CCAR1: variants seen among roughly 807,000 people sequenced by gnomAD.
CCAR1 encodes the protein cell division cycle and apoptosis regulator protein 1.
Under a neutral mutation model 163.8 loss-of-function variants are expected in CCAR1, and 78 were observed. The observed-to-expected ratio is 0.48, with a 90% CI of 0.40 to 0.57. CCAR1 has a LOEUF of 0.57. CCAR1 is among the 20% of genes least tolerant of loss of function. The pLI, the probability that CCAR1 is intolerant of heterozygous loss-of-function variation, is 0.00. For synonymous variants in CCAR1, 443 were observed against 460.7 expected, an observed-to-expected ratio of 0.96 and a Z score of 0.49; for missense variants, 1,019 against 1,365.2, an observed-to-expected ratio of 0.75 and a Z score of 4.00.
chr10:68,778,171 G>C (rs774759594), intron 19 of CCAR1, among the ~76,000 whole-genome samples: 3 of 152,156 alleles, frequency 2.0e-5, no homozygotes, highest in African/African-American at 4.8e-5. Context: ...AGCCGAGATT[G>C]TGCCACTACG....
chr10:68,725,346 C>T (rs1288808513), intron 2 of CCAR1, among the ~76,000 whole-genome samples: 1 of 151,598 alleles, frequency 6.6e-6, no homozygotes, highest in Non-Finnish European at 1.5e-5. Context: ...TGCAGTGAGC[C>T]GAGATGGCAC....
Position 68,742,360 on chromosome 10 carries a change from T to C in CCAR1, c.325-16T>C. ...TCAAATCATTACCTTAATTTGATGT[T>C]GATTTTGTTTTATAGCCAGCTGTTG... is the stretch of plus-strand genomic sequence containing the variant. On this transcript the variant is annotated splice_polypyrimidine_tract_variant and intron_variant, in intron 5 of 24. Transcript: ENST00000265872. The C allele has an allele frequency of 6.4e-7, 1 of 1,566,066 alleles. No individual in the cohort carries two copies. The highest frequency in any genetic ancestry group is 8.7e-7 in the Non-Finnish European group (1 of 1,153,440).
chr10:68,761,030 A>G lies in CCAR1; in HGVS notation c.1944A>G (p.Leu648=), dbSNP rs747905736. Residue 648 remains leucine, a synonymous_variant, in exon 16 of 25, where the codon TTA becomes TTG. Transcript: ENST00000265872. ...AGGTAAATGACCTCCGAAAAGAATT[A>G]GAAAGTCGAGCTCTTAGTTCCAAAG... ...TMKVNDLRKE[L]ESRALSSKGL... The G allele has an allele frequency of 1.3e-6, 2 of 1,526,944 alleles. No individual in the cohort carries two copies. Among genetic ancestry groups the G allele is most frequent in the African/African-American group, 1.5e-5 (1 of 68,728 alleles). The allele number at this position is 1,526,944 out of a possible 1,614,324, so 94.6% of individuals were successfully genotyped here.
intron 8 of CCAR1, 119 bp downstream of exon 8, chr10:68,747,685 A>G: frequency 1.2e-6 from 1 of 807,466 alleles, no homozygotes; most frequent in Non-Finnish European, 2.0e-6. Flanking sequence ...AAAAATCCTG[A>G]ATAGGACACA....
chr10:68,761,079 C>A lies in CCAR1; in HGVS notation c.1993C>A (p.Arg665=). 6.2e-7 allele frequency: 1 copy of A among 1,605,530 alleles called. No individual in the cohort carries two copies. ...SKGLKSQLIA[R]LTKQLKVEEQ... is the part of the protein sequence containing the mutation. The stretch of plus-strand genomic sequence containing the variant: ...AGGATTAAAATCCCAGTTAATAGCC[C>A]GATTGACAAAACAGCTTAAAGTAGA... Residue 665 remains arginine (R), a synonymous_variant, in exon 16 of 25, where the codon CGA becomes AGA. Transcript: ENST00000265872.
intron 2 of CCAR1, among the ~76,000 whole-genome samples, 181 bp downstream of exon 2, chr10:68,722,758 C>T (rs1481756985): frequency 6.6e-6 from 1 of 152,008 alleles, no homozygotes; most frequent in Non-Finnish European, 1.5e-5. Context: ...CCCGTCTCTA[C>T]TAAAAATACT....
At chr10:68,790,617 C>T (rs1043380788) in intron 24 of CCAR1, among the ~76,000 whole-genome samples, 5 of 152,008 alleles carry the variant, frequency 3.3e-5, no homozygotes, top group Non-Finnish European at 4.4e-5. Flanking sequence ...CAGCCTCTGC[C>T]TCCTAGGCTC....
chr10:68,726,691 G>A (rs2055952417), intron 2 of CCAR1, among the ~76,000 whole-genome samples: 1 of 151,888 alleles, frequency 6.6e-6, no homozygotes, highest in African/African-American at 2.4e-5. Flanking sequence ...CTAAAACATA[G>A]TTTCTGTCAA....
rs1323635094 is a variant in CCAR1 at position 68,778,811 on chromosome 10, T to C, written c.2650+5712T>C. 2.6e-5 allele frequency among the ~76,000 whole-genome samples: 4 copies of C among 152,296 alleles called. No homozygotes were observed. The East Asian group carries it at 7.7e-4, about 29-fold the overall frequency. On this transcript the variant is annotated intron_variant, in intron 19 of 24. Transcript: ENST00000265872. ...TCTGTTTTACCACTTTTTTTCATAT[T>C]TTATATCTCATGATCCTGTTAAGTT... is the stretch of plus-strand genomic sequence containing the variant.
At chr10:68,737,159 T>C in intron 3 of CCAR1, 111 bp downstream of exon 3, 3 of 744,798 alleles carry the variant, frequency 4.0e-6, no homozygotes, top group East Asian at 2.7e-5. Flanking sequence ...GTTTTTATTA[T>C]GCTGATTTCT....
In CCAR1 at chr10:68,763,002, G is replaced by A. The variant is rs1385598481; in HGVS notation, c.2106+1810G>A. On this transcript the variant is annotated intron_variant, in intron 16 of 24. Coordinates refer to ENST00000265872, the MANE Select transcript of CCAR1 (RefSeq NM_018237.4). ...GAGAAATTTTATTATGGATATGGATGTGACATTAGATAATATTAAAGCAGT... is the reference window on the plus strand; with the variant it reads ...GAGAAATTTTATTATGGATATGGATATGACATTAGATAATATTAAAGCAGT... 3.9e-5 allele frequency among the ~76,000 whole-genome samples: 6 copies of A among 152,252 alleles called. No individual in the cohort carries two copies. In the East Asian group the frequency reaches 1.2e-3, roughly 29 times the overall value.
intron 13 of CCAR1, among the ~76,000 whole-genome samples, chr10:68,755,888 G>T (rs1042774138): frequency 6.6e-6 from 1 of 152,112 alleles, no homozygotes; most frequent in Non-Finnish European, 1.5e-5. Flanking sequence ...ATGTAGTTGC[G>T]ATTATTTTTG....
chr10:68,766,800 C>T (rs150998416), intron 17 of CCAR1, among the ~76,000 whole-genome samples: 12 of 152,340 alleles, frequency 7.9e-5, no homozygotes, highest in Admixed American at 1.3e-4. Flanking sequence ...GCTGGGATTA[C>T]AGGCCTGAGC....
chr10:68,721,477 G>A, intron 1 of CCAR1, 195 bp downstream of exon 1: 1 of 394,356 alleles, frequency 2.5e-6, no homozygotes, highest in South Asian at 1.8e-5. Flanking sequence ...GGCCCGGCGC[G>A]GCCAGCCCCA....
chr10:68,723,864 A>G (rs866891441), intron 2 of CCAR1, among the ~76,000 whole-genome samples: 67 of 148,036 alleles, frequency 4.5e-4, no homozygotes, highest in African/African-American at 1.5e-3. Context: ...AAAAAAAAAA[A>G]AAGGTAAATT....
Position 68,748,574 on chromosome 10 carries a change from C to T in CCAR1, c.827-562C>T, listed in dbSNP as rs889697203. ...TGTAATCTTGGCTCACTGCAACCTCCGCCTCCCCGGCTCAAGTGATCCTAC... is the reference window on the plus strand; with the variant it reads ...TGTAATCTTGGCTCACTGCAACCTCTGCCTCCCCGGCTCAAGTGATCCTAC... On this transcript the variant is annotated intron_variant, in intron 8 of 24. Transcript: ENST00000265872. Among the ~76,000 whole-genome samples, 6 of 150,584 alleles carry T rather than the reference C, an allele frequency of 4.0e-5. No homozygotes were observed. In the East Asian group the frequency reaches 5.9e-4, roughly 15 times the overall value.
At position 68,756,392 on chromosome 10, in the gene CCAR1, C is replaced by T; in HGVS notation, c.1745C>T (p.Thr582Ile). ...FFPDVWHCLP[T>I]RSEWETLSRG... ...CCGGATGTTTGGCATTGCCTTCCCA[C>T]CCGCTCAGAGTGGGAAACCCTCTCC... The change falls in exon 14 of 25, where the codon ACC becomes ATC. Residue 582 changes from threonine to isoleucine, a missense_variant. Thr to Ile is a moderately conservative substitution (Grantham distance 89, BLOSUM62 -1). Coordinates refer to ENST00000265872, the MANE Select transcript of CCAR1 (RefSeq NM_018237.4). The surrounding 1 kb of genome is among the most constrained non-coding windows in gnomAD (Gnocchi z 5.1). 6.2e-7 allele frequency: 1 copy of T among 1,614,016 alleles called. No individual in the cohort carries two copies. The highest frequency in any genetic ancestry group is 8.5e-7 in the Non-Finnish European group (1 of 1,180,002).
chr10:68,773,074 A>G lies in CCAR1; in HGVS notation c.2625A>G (p.Ala875=). 6.4e-7 allele frequency: 1 copy of G among 1,554,736 alleles called. No homozygotes were observed. ...NNQDEYDPME[A]EEAEDEEDDR... ...AAGATGAATATGACCCTATGGAAGC[A>G]GAAGAAGCTGAGGATGAAGAAGATG... The change falls in exon 19 of 25, where the codon GCA becomes GCG. Residue 875 remains alanine (A), a synonymous_variant. Coordinates refer to ENST00000265872, the MANE Select transcript of CCAR1 (RefSeq NM_018237.4).
chr10:68,775,687 CTTTTTTTT>C (rs71028782), intron 19 of CCAR1, among the ~76,000 whole-genome samples: 3 of 51,764 alleles, frequency 5.8e-5, no homozygotes, highest in South Asian at 1.9e-3. Context: ...TTTTTCTTTT[CTTTTTTTT>C]TTTTTTTTTT....
Sources: allele counts gnomAD v4.1 joint callset (sites outside exome capture counted in the v4.1 genomes callset), GRCh38; gene constraint gnomAD v4.1.1; non-coding constraint Gnocchi (gnomAD v3.1); transcripts MANE v1.5; gene names NCBI Gene and HGNC (gene_info 2026-07-23, HGNC 2026-07-21).